The following CLVS1 variants were observed in gnomAD, a reference collection of about 807,000 sequenced individuals.
CLVS1 encodes the protein clavesin-1.
Under a neutral mutation model 33.1 loss-of-function variants are expected in CLVS1, and 10 were observed. That is an observed-to-expected ratio of 0.30 (90% CI 0.19 to 0.51). The LOEUF (loss-of-function observed/expected upper bound fraction) is 0.51, where lower values mean the gene tolerates loss of function less well. Ranked by LOEUF, CLVS1 falls within the 20% of genes least tolerant of loss-of-function variation. The pLI is 0.97. For synonymous variants in CLVS1, 163 were observed against 166.1 expected (o/e 0.98, Z 0.14); for missense variants, 343 against 433.4 (o/e 0.79, Z 1.85).
chr8:61,010,920 C>T, the CLVS1 span, among the ~76,000 whole-genome samples: 1 of 152,218 alleles, frequency 6.6e-6, no homozygotes, highest in African/African-American at 2.4e-5. Flanking sequence ...TTCTGCGGTG[C>T]ATCCCTACAT....
chr8:60,971,187 C>T, the CLVS1 span, among the ~76,000 whole-genome samples: 41 of 151,892 alleles, frequency 2.7e-4, no homozygotes, highest in East Asian at 7.2e-3. Flanking sequence ...GGTGATCCTC[C>T]CACCTCAGCC....
At chr8:61,079,848 G>A (rs375538666) in intron 1 of CLVS1, among the ~76,000 whole-genome samples, 16 of 151,698 alleles carry the variant, frequency 1.1e-4, no homozygotes, top group African/African-American at 3.6e-4. Context: ...TCACAGTATC[G>A]TGAATGTGCT....
At chr8:61,471,886 T>C (rs1286967748) in intron 5 of CLVS1, among the ~76,000 whole-genome samples, 1 of 152,206 alleles carries the variant, frequency 6.6e-6, no homozygotes, top group Non-Finnish European at 1.5e-5. Context: ...ATGATGCTTC[T>C]CCGCCTAACT....
intron 5 of CLVS1, among the ~76,000 whole-genome samples, chr8:61,496,556 G>A (rs1364997379): frequency 6.6e-6 from 1 of 152,150 alleles, no homozygotes; most frequent in Non-Finnish European, 1.5e-5. Context: ...CTACAACCTA[G>A]AGCTTCCTTC....
chr8:60,978,707 C>A, the CLVS1 span, among the ~76,000 whole-genome samples: 5 of 145,648 alleles, frequency 3.4e-5, no homozygotes, highest in African/African-American at 1.3e-4. Flanking sequence ...GCCAGATACT[C>A]AGGAGGCTGA....
At chr8:61,134,099 G>C (rs12547942) in intron 2 of CLVS1, among the ~76,000 whole-genome samples, 1 of 152,176 alleles carries the variant, frequency 6.6e-6, no homozygotes, top group Admixed American at 6.5e-5. Context: ...TGGGTGTATA[G>C]TGGAGCCCCC....
intron 1 of CLVS1, among the ~76,000 whole-genome samples, chr8:61,100,409 G>T (rs1805427182): frequency 6.6e-6 from 1 of 152,122 alleles, no homozygotes; most frequent in Non-Finnish European, 1.5e-5. Flanking sequence ...TTCGAATAAT[G>T]CCCAGACATT....
intron 2 of CLVS1, among the ~76,000 whole-genome samples, chr8:61,372,130 A>G (rs1320170556): frequency 6.6e-6 from 1 of 152,218 alleles, no homozygotes; most frequent in Non-Finnish European, 1.5e-5. Context: ...TCATTTTGAT[A>G]CAAGTGCTAA....
intron 3 of CLVS1, among the ~76,000 whole-genome samples, chr8:61,399,346 G>C (rs1814660899): frequency 6.6e-6 from 1 of 151,934 alleles, no homozygotes; most frequent in African/African-American, 2.4e-5. Context: ...CTTTTGAGAA[G>C]ACATGTCTTC....
upstream of CLVS1, among the ~76,000 whole-genome samples, chr8:61,052,389 C>T (rs573358531): frequency 2.6e-4 from 40 of 152,154 alleles, no homozygotes; most frequent in African/African-American, 6.7e-4. Context: ...CCATGAAGGG[C>T]GACAGGAATC....
At chr8:61,102,736 A>T (rs1805472950) in intron 1 of CLVS1, among the ~76,000 whole-genome samples, 1 of 152,228 alleles carries the variant, frequency 6.6e-6, no homozygotes, top group African/African-American at 2.4e-5. Flanking sequence ...ATCTACTGCC[A>T]GGCCATAAGG....
intron 1 of CLVS1, among the ~76,000 whole-genome samples, chr8:61,093,203 A>G (rs1363315618): frequency 6.6e-6 from 1 of 152,196 alleles, no homozygotes; most frequent in African/African-American, 2.4e-5. Flanking sequence ...AATATAATGG[A>G]AAAAGGACTG....
At chr8:61,287,292 T>C (rs74629356), upstream of CLVS1, among the ~76,000 whole-genome samples, 7 of 152,316 alleles carry the variant, frequency 4.6e-5, no homozygotes, top group African/African-American at 1.2e-4. Context: ...TGCATCCCCA[T>C]TTCTTCTATA....
chr8:61,049,529 A>G, the CLVS1 span, among the ~76,000 whole-genome samples: 2 of 152,262 alleles, frequency 1.3e-5, no homozygotes, highest in African/African-American at 2.4e-5. Flanking sequence ...ACGATAGGAA[A>G]GTCACCTTTA....
chr8:61,136,387 C>T (rs1310621687), intron 2 of CLVS1, among the ~76,000 whole-genome samples: 3 of 152,172 alleles, frequency 2.0e-5, no homozygotes, highest in Admixed American at 6.5e-5. Flanking sequence ...TTTCCTGAAA[C>T]ATCAAAGTGC....
chr8:61,460,611 C>T lies in CLVS1; in HGVS notation c.977+2069C>T, dbSNP rs73259320. On this transcript the variant is annotated intron_variant, in intron 5 of 5. Coordinates refer to ENST00000325897, the MANE Select transcript of CLVS1 (RefSeq NM_173519.3). ...AGTGAGCAGGAACATTGTCATGGTGCAGAAGGACTCTCTGGGAAAGATTTC... is the reference window on the plus strand; with the variant it reads ...AGTGAGCAGGAACATTGTCATGGTGTAGAAGGACTCTCTGGGAAAGATTTC... Among the ~76,000 whole-genome samples, 1,438 of 152,284 alleles carry T rather than the reference C, an allele frequency of 9.4e-3. 11 individuals carry two copies. Among genetic ancestry groups the T allele is most frequent in the African/African-American group, 0.033 (1,373 of 41,552 alleles).
chr8:61,274,091 TA>T (rs1809518682), intron 2 of CLVS1: 1 of 152,222 alleles, frequency 6.6e-6, no homozygotes, highest in African/African-American at 2.4e-5. Context: ...AATGGCTAAT[TA>T]TTCTGGCTAA....
chr8:61,273,848 G>A (rs923493759), intron 2 of CLVS1: 1 of 154,542 alleles, frequency 6.5e-6, no homozygotes, highest in African/African-American at 2.4e-5. Context: ...CCCTGCTTCG[G>A]GTCGCGCACG....
At chr8:61,172,847 C>CTTT (rs1369525312) in intron 2 of CLVS1, among the ~76,000 whole-genome samples, 1 of 152,186 alleles carries the variant, frequency 6.6e-6, no homozygotes, top group East Asian at 1.9e-4. Flanking sequence ...CCCTTGTCTT[C>CTTT]TTCAGGTGAT....
Sources: allele counts gnomAD v4.1 joint callset (sites outside exome capture counted in the v4.1 genomes callset), GRCh38; gene constraint gnomAD v4.1.1; transcripts MANE v1.5; gene names NCBI Gene and HGNC (gene_info 2026-07-23, HGNC 2026-07-21).